Variants in CFAP53 observed in about 807,000 individuals in gnomAD.
The protein encoded by CFAP53 is cilia- and flagella-associated protein 53.
A neutral mutation model predicts 59.7 loss-of-function variants in CFAP53; 62 were observed. The observed-to-expected ratio is 1.04, with a 90% confidence interval of 0.85 to 1.28. The LOEUF is 1.28. CFAP53 is among the 50% of genes most tolerant of loss of function. The pLI, the probability that CFAP53 is intolerant of heterozygous loss-of-function variation, is 0.00. For missense variants in CFAP53, 629 were observed against 615.6 expected (o/e 1.02, Z -0.23); for synonymous variants, 218 against 205.7 (o/e 1.06, Z -0.51).
At chr18:50,237,058 G>C (rs565643164) in intron 7 of CFAP53, among the ~76,000 whole-genome samples, 2 of 151,408 alleles carry the variant, frequency 1.3e-5, no homozygotes, top group Admixed American at 1.3e-4. Context: ...TGTAATCCCA[G>C]CACTTTGGGA....
At chr18:50,239,374 A>C (rs1003323128) in intron 6 of CFAP53, among the ~76,000 whole-genome samples, 3 of 152,110 alleles carry the variant, frequency 2.0e-5, no homozygotes, top group Non-Finnish European at 4.4e-5. Context: ...TAAATAAATA[A>C]ATAAAGCTCT....
rs74855486 is a variant in CFAP53, at chr18:50,245,794, G to C, written c.997-2678C>G. On this transcript the variant is annotated intron_variant, in intron 5 of 7. Transcript: ENST00000398545. Reference sequence around the variant, plus strand: ...CTTCCAGATACCTGGACATGCAAGGGAGCCAGAATAGCCAAAACAATTTTA... The same window carrying C: ...CTTCCAGATACCTGGACATGCAAGGCAGCCAGAATAGCCAAAACAATTTTA... Among the ~76,000 whole-genome samples the C allele has an allele frequency of 7.7e-3, 1,175 of 152,220 alleles. 9 individuals carry two copies. The highest frequency in any genetic ancestry group is 9.3e-3 in the Non-Finnish European group (635 of 68,006).
chr18:50,262,096 C>T lies in CFAP53; in HGVS notation c.193G>A (p.Glu65Lys). ...KSSERDRLKA[E>K]WDQHNDCKIL... The stretch of plus-strand genomic sequence containing the variant: ...TTGCAGTCATTGTGCTGGTCCCACT[C>T]AGCTTTCAAGCGATCCCGCTCACTT... Residue 65 changes from glutamate to lysine, a missense_variant, in exon 2 of 8, where the codon GAG becomes AAG. By Grantham distance (56) the Glu-to-Lys change is moderately conservative. Transcript: ENST00000398545. The T allele has an allele frequency of 6.2e-7, 1 of 1,614,238 alleles. No homozygotes were observed. Among genetic ancestry groups the T allele is most frequent in the Non-Finnish European group, 8.5e-7 (1 of 1,180,032 alleles).
At chr18:50,259,982 C>T (rs930039522) in intron 3 of CFAP53, among the ~76,000 whole-genome samples, 1 of 152,118 alleles carries the variant, frequency 6.6e-6, no homozygotes, top group Non-Finnish European at 1.5e-5. Flanking sequence ...GGGAGGGAGA[C>T]TATTTAGTAT....
chr18:50,239,107 G>T (rs1432295780), intron 6 of CFAP53, among the ~76,000 whole-genome samples: 2 of 149,814 alleles, frequency 1.3e-5, no homozygotes, highest in Non-Finnish European at 3.0e-5. Flanking sequence ...AAAGCTCTTG[G>T]CTGGGCACAA....
At position 50,242,919 on chromosome 18, in the gene CFAP53, T is replaced by A; in HGVS notation, c.1194A>T (p.Lys398Asn). ...CCTTACACTTTTCTTGAACTTGAAG[T>A]TTTCTTGTACACATGACCTCATCCA... ...QLVDEVMCTR[K>N]LQVQEKLQRE... The change falls in exon 6 of 8, where the codon AAA becomes AAT. Residue 398 changes from lysine (K) to asparagine (N), a missense_variant. By Grantham distance (94) the Lys-to-Asn change is moderately conservative (BLOSUM62 0). Transcript: ENST00000398545. 6.2e-7 allele frequency: 1 copy of A among 1,613,454 alleles called. No individual in the cohort carries two copies.
At chr18:50,231,975 C>T (rs1383126464) in intron 7 of CFAP53, among the ~76,000 whole-genome samples, 1 of 152,204 alleles carries the variant, frequency 6.6e-6, no homozygotes. Context: ...CACCCATTTT[C>T]CTTGTACCTG....
Position 50,264,963 on chromosome 18 carries a change from G to A in CFAP53, c.69+1373C>T, listed in dbSNP as rs536507491. Among the ~76,000 whole-genome samples the A allele has an allele frequency of 2.0e-5, 3 of 152,310 alleles. No individual in the cohort carries two copies. In the South Asian group the frequency reaches 6.2e-4, roughly 32 times the overall value. On this transcript the variant is annotated intron_variant, in intron 1 of 7. Transcript: ENST00000398545. ...CTGCTTTCCAGCTCCAGATCTTACA[G>A]TACTTGGACCTAAAGAAGGAGCAGG...
At position 50,259,127 on chromosome 18, in the gene CFAP53, T is replaced by C. The variant is rs180801113; in HGVS notation, c.473+1937A>G. 9.9e-5 allele frequency among the ~76,000 whole-genome samples: 15 copies of C among 152,188 alleles called. No homozygotes were observed. The East Asian group carries it at 1.7e-3, about 18-fold the overall frequency. The stretch of plus-strand genomic sequence containing the variant: ...ATAGGCCCAAAAGAAAGGAAATCAG[T>C]ATATTGAAGAGATAGCTAAACTCCT... On this transcript the variant is annotated intron_variant, in intron 3 of 7. Transcript: ENST00000398545.
rs1443397839 is a variant in CFAP53 at position 50,251,054 on chromosome 18, G to A, written c.778-78C>T. ...GTTAGTGCATTTGACTTCAGAGATG[G>A]GAATAAAGGATTTCTGGAAATACAC... is the stretch of plus-strand genomic sequence containing the variant. On this transcript the variant is annotated intron_variant, in intron 4 of 7. Coordinates refer to ENST00000398545, the MANE Select transcript of CFAP53 (RefSeq NM_145020.5). The A allele has an allele frequency of 2.5e-6, 3 of 1,176,788 alleles. No homozygotes were observed. The East Asian group carries it at 7.0e-5, about 28-fold the overall frequency. 72.9% of individuals were successfully genotyped at this position (1,176,788 alleles called of 1,614,324 possible).
At chr18:50,248,711 G>A (rs144323525) in intron 5 of CFAP53, among the ~76,000 whole-genome samples, 1 of 151,444 alleles carries the variant, frequency 6.6e-6, no homozygotes, top group East Asian at 1.9e-4. Flanking sequence ...CTTGAACCCG[G>A]GAGGTGGAGG....
intron 4 of CFAP53, 29 bp from the exon 5 acceptor site, chr18:50,251,005 C>T (rs770210715): frequency 6.3e-7 from 1 of 1,575,596 alleles, no homozygotes; most frequent in East Asian, 2.2e-5. Flanking sequence ...AAAGATAATG[C>T]ATCAGTACAG....
At chr18:50,245,210 G>A (rs899354225) in intron 5 of CFAP53, among the ~76,000 whole-genome samples, 24 of 150,974 alleles carry the variant, frequency 1.6e-4, no homozygotes, top group African/African-American at 2.2e-4. Context: ...GTGAAACCCC[G>A]CCTCTACTAA....
chr18:50,227,840 C>G (rs139224417), intron 7 of CFAP53, among the ~76,000 whole-genome samples: 1 of 151,582 alleles, frequency 6.6e-6, no homozygotes, highest in Non-Finnish European at 1.5e-5. Flanking sequence ...CTTCCCTGCT[C>G]GTAATGTTCA....
intron 5 of CFAP53, among the ~76,000 whole-genome samples, chr18:50,248,907 T>C (rs1199650167): frequency 1.3e-5 from 2 of 151,632 alleles, no homozygotes; most frequent in African/African-American, 4.9e-5. Flanking sequence ...AACAGGTAAA[T>C]GGCTAAACAA....
chr18:50,242,711 A>G (rs1196348899), intron 6 of CFAP53, among the ~76,000 whole-genome samples, 189 bp downstream of exon 6: 1 of 152,166 alleles, frequency 6.6e-6, no homozygotes, highest in African/African-American at 2.4e-5. Context: ...CCCGTGACTG[A>G]TTGGAATCTG....
At chr18:50,242,013 C>G (rs961430094) in intron 6 of CFAP53, among the ~76,000 whole-genome samples, 1 of 152,164 alleles carries the variant, frequency 6.6e-6, no homozygotes, top group African/African-American at 2.4e-5. Context: ...GACCTACCCC[C>G]AGGAATGCAT....
chr18:50,235,308 G>A (rs1399471503), intron 7 of CFAP53, among the ~76,000 whole-genome samples: 4 of 152,180 alleles, frequency 2.6e-5, no homozygotes, highest in Admixed American at 2.0e-4. Context: ...GCTCACACCT[G>A]TAATCCCAGC....
intron 6 of CFAP53, among the ~76,000 whole-genome samples, chr18:50,241,998 C>T (rs1432949435): frequency 2.6e-5 from 4 of 152,164 alleles, no homozygotes; most frequent in Non-Finnish European, 4.4e-5. Flanking sequence ...GAGCAGCTGT[C>T]TATAGACCTA....
Sources: gnomAD v4.1 joint callset for allele counts (sites outside exome capture counted in the v4.1 genomes callset) on GRCh38, gnomAD v4.1.1 for gene constraint, MANE v1.5 for transcripts, NCBI Gene and HGNC (gene_info 2026-07-23, HGNC 2026-07-21) for gene names.